The following MOSPD1 variants were observed in gnomAD, a reference collection of about 807,000 sequenced individuals.
MOSPD1 encodes the protein motile sperm domain-containing protein 1.
Under a neutral mutation model 16.7 loss-of-function variants are expected in MOSPD1, and 5 were observed. The ratio of observed to expected loss-of-function variants is 0.30; its 90% CI spans 0.16 to 0.63. The LOEUF (loss-of-function observed/expected upper bound fraction) is 0.63, where lower values mean the gene tolerates loss of function less well. Ranked by LOEUF, MOSPD1 falls within the 30% of genes least tolerant of loss-of-function variation. The pLI, the probability that MOSPD1 is intolerant of heterozygous loss-of-function variation, is 0.82. For missense variants in MOSPD1, 104 were observed against 153.6 expected (o/e 0.68, Z 1.71); for synonymous variants, 67 against 59.2 (o/e 1.13, Z -0.61).
At chrX:134,910,625 G>A in intron 1 of MOSPD1, among the ~76,000 whole-genome samples, 1 of 111,984 alleles carries the variant, frequency 8.9e-6, no homozygotes, top group Admixed American at 9.5e-5. Context: ...CATAAAGAAA[G>A]TGATCATCTG....
At chrX:134,907,398 T>G (rs776832285) in intron 1 of MOSPD1, among the ~76,000 whole-genome samples, 1 of 112,148 alleles carries the variant, frequency 8.9e-6, no homozygotes, top group East Asian at 2.8e-4. Context: ...TTCAGTTTTA[T>G]AAAGAAAAAT....
intron 1 of MOSPD1, among the ~76,000 whole-genome samples, chrX:134,907,235 TA>T (rs1317660199): frequency 1.8e-5 from 2 of 109,639 alleles, no homozygotes; most frequent in Admixed American, 2.0e-4. Flanking sequence ...CTCAAAAAAA[TA>T]AAAAAAATAA....
Position 134,889,081 on chromosome X carries a change from G to T in MOSPD1, c.*80C>A. On this transcript the variant is annotated 3_prime_UTR_variant, in exon 6 of 6. Transcript: ENST00000370783. ...ATTCAATAGTTTGTTGCATGTTAAT[G>T]GAGTGAAATAGAGATAAAAGGCAGT... 1 of 670,473 alleles carries T rather than the reference G, an allele frequency of 1.5e-6. No individual in the cohort carries two copies. The highest frequency in any genetic ancestry group is 3.2e-4 in the Middle Eastern group (1 of 3,135). The allele number at this position is 670,473 out of a possible 1,213,427, so 55.3% of individuals were successfully genotyped here. A position where few individuals can be genotyped will look rare whatever the true frequency, so the allele number is the denominator to read the frequency against.
chrX:134,894,319 C>T (rs1204321202), intron 4 of MOSPD1, among the ~76,000 whole-genome samples: 2 of 111,712 alleles, frequency 1.8e-5, no homozygotes, highest in African/African-American at 6.5e-5. Context: ...ATGAAGCCAT[C>T]AACCATTTTC....
At chrX:134,895,984 C>T (rs370186548) in intron 4 of MOSPD1, among the ~76,000 whole-genome samples, 7 of 111,030 alleles carry the variant, frequency 6.3e-5, no homozygotes, top group East Asian at 2.8e-4. Flanking sequence ...CAAACTGATA[C>T]GACTGAATGT....
intron 4 of MOSPD1, among the ~76,000 whole-genome samples, chrX:134,895,727 A>G (rs1485385084): frequency 3.6e-5 from 4 of 111,811 alleles, no homozygotes; most frequent in Admixed American, 2.9e-4. Flanking sequence ...CTGTCAGTTG[A>G]TAATAGTTGC....
chrX:134,896,827 C>T lies in MOSPD1; in HGVS notation c.438G>A (p.Ser146=), dbSNP rs775025130. The T allele has an allele frequency of 1.1e-5, 13 of 1,208,009 alleles. No homozygotes were observed. The highest frequency in any genetic ancestry group is 1.1e-4 in the South Asian group (6 of 56,810). ...ACAACCCAAAACTACCTGGTTGAAACGACTGCTCAAAAAATAAACTTTCAG... is the reference window on the plus strand; with the variant it reads ...ACAACCCAAAACTACCTGGTTGAAATGACTGCTCAAAAAATAAACTTTCAG... The part of the protein sequence containing the change: ...HLTESLFFEQ[S]FQPENRAVSS... The change falls in exon 4 of 6, where the codon TCG becomes TCA. Residue 146 remains serine, a synonymous_variant. Coordinates refer to ENST00000370783, the MANE Select transcript of MOSPD1 (RefSeq NM_019556.3).
At chrX:134,896,700 T>C (rs1335204270) in intron 4 of MOSPD1, 117 bp downstream of exon 4, 20 of 537,596 alleles carry the variant, frequency 3.7e-5, no homozygotes, top group African/African-American at 2.1e-4. Flanking sequence ...TTTGAAGTAG[T>C]TGACCATGTT....
chrX:134,890,074 CAA>C (rs10691243), intron 5 of MOSPD1, among the ~76,000 whole-genome samples: 5 of 57,002 alleles, frequency 8.8e-5, no homozygotes, highest in Admixed American at 2.4e-4. Flanking sequence ...GACTTTATCT[CAA>C]AAAAAAAAAA....
intron 1 of MOSPD1, among the ~76,000 whole-genome samples, chrX:134,908,899 TAGAGACC>T (rs1426743352): frequency 8.9e-6 from 1 of 111,966 alleles, no homozygotes; most frequent in African/African-American, 3.2e-5. Flanking sequence ...ATACAAAACT[TAGAGACC>T]GTTAAGGAGC....
At chrX:134,911,214 C>G (rs990779181) in intron 1 of MOSPD1, among the ~76,000 whole-genome samples, 4 of 111,441 alleles carry the variant, frequency 3.6e-5, no homozygotes, top group Non-Finnish European at 7.5e-5. Flanking sequence ...TGAAGTTGGA[C>G]AGGGGTTGCC....
intron 2 of MOSPD1, 31 bp from the exon 3 acceptor site, chrX:134,899,196 GT>G (rs761514461): frequency 8.3e-3 from 6,690 of 806,928 alleles, no homozygotes; most frequent in Admixed American, 0.012. Flanking sequence ...GGCCATTAGT[GT>G]TTTTTTTTTT....
chrX:134,890,459 G>A lies in MOSPD1; in HGVS notation c.610+1020C>T, dbSNP rs2082856905. On this transcript the variant is annotated intron_variant, in intron 5 of 5. Transcript: ENST00000370783. ...GGGAATGAATGGGGGAAAGAAATAG[G>A]GAGAGAAGGAACACAGACAGAAGGG... Among the ~76,000 whole-genome samples, 3 of 110,096 alleles carry A rather than the reference G, an allele frequency of 2.7e-5. No homozygotes were observed. In the Middle Eastern group the frequency reaches 0.014, roughly 517 times the overall value.
chrX:134,898,900 AATAAAATATT>A, intron 3 of MOSPD1, 180 bp downstream of exon 3: 1 of 400,213 alleles, frequency 2.5e-6, no homozygotes, highest in Non-Finnish European at 4.4e-6. Flanking sequence ...GCTCCAACGT[AATAAAATATT>A]ATTAAGTATT....
At chrX:134,909,582 T>C (rs2082960583) in intron 1 of MOSPD1, among the ~76,000 whole-genome samples, 1 of 112,050 alleles carries the variant, frequency 8.9e-6, no homozygotes, top group Non-Finnish European at 1.9e-5. Flanking sequence ...ATATGTTATT[T>C]TCCTTTAGTC....
intron 1 of MOSPD1, among the ~76,000 whole-genome samples, chrX:134,906,812 G>C (rs1271300204): frequency 8.9e-6 from 1 of 111,974 alleles, no homozygotes; most frequent in African/African-American, 3.2e-5. Context: ...TAATTTGACA[G>C]ATGTGGGAAG....
At position 134,896,884 on chromosome X, in the gene MOSPD1, T is replaced by C. The variant is rs2082887143; in HGVS notation, c.381A>G (p.Glu127=). The change falls in exon 4 of 6, where the codon GAA becomes GAG. Residue 127 remains glutamate, a synonymous_variant. Transcript: ENST00000370783. ...GTTCCTTTAATCTTTTTTCCTCTTCTTCCTTTTGTTGTTCTTTTGCTGATG... is the reference window on the plus strand; with the variant it reads ...GTTCCTTTAATCTTTTTTCCTCTTCCTCCTTTTGTTGTTCTTTTGCTGATG... ...LLPSAKEQQK[E]EEEKRLKEHL... 1 of 1,211,236 alleles carries C rather than the reference T, an allele frequency of 8.3e-7. No individual in the cohort carries two copies. Among genetic ancestry groups the C allele is most frequent in the South Asian group, 1.8e-5 (1 of 56,993 alleles).
chrX:134,899,323 C>T lies in MOSPD1; in HGVS notation c.111G>A (p.Val37=). 3 of 1,194,626 alleles carry T rather than the reference C, an allele frequency of 2.5e-6. No individual in the cohort carries two copies. The change falls in exon 2 of 6, where the codon GTG becomes GTA. Residue 37 remains valine, a synonymous_variant. Transcript: ENST00000370783. ...YADDQSTHKQ[V]LTLYNPYEFA... is the part of the protein sequence containing the mutation. ...ACTCATAGGGATTGTACAGTGTCAA[C>T]ACTTGCTTATGTGTTGACTGATCAT...
chrX:134,888,503 T>C lies in MOSPD1; in HGVS notation c.*658A>G, dbSNP rs1446708532. 1 of 111,191 alleles carries C rather than the reference T, an allele frequency of 9.0e-6. No individual in the cohort carries two copies. The highest frequency in any genetic ancestry group is 1.9e-5 in the Non-Finnish European group (1 of 52,879). 9.2% of individuals were successfully genotyped at this position (111,191 alleles called of 1,213,427 possible). ...CTTAGACCAAAGAGAGAGGTCACCC[T>C]ACTTCTATTAGGTTTTTTAAAAAAA... On this transcript the variant is annotated 3_prime_UTR_variant, in exon 6 of 6. Coordinates refer to ENST00000370783, the MANE Select transcript of MOSPD1 (RefSeq NM_019556.3).
Sources: gnomAD v4.1 joint callset for allele counts (sites outside exome capture counted in the v4.1 genomes callset) on GRCh38, gnomAD v4.1.1 for gene constraint, MANE v1.5 for transcripts, NCBI Gene and HGNC (gene_info 2026-07-23, HGNC 2026-07-21) for gene names.